GRAMD1A: variants seen among roughly 807,000 people sequenced by gnomAD.
The protein encoded by GRAMD1A is GRAM domain containing 1A.
Under a neutral mutation model 92.0 loss-of-function variants are expected in GRAMD1A, and 50 were observed. That is an observed-to-expected ratio of 0.54 (90% CI 0.43 to 0.69). The LOEUF is 0.69. Among genes scored for constraint, GRAMD1A ranks in the 30% least tolerant of loss-of-function variants. The pLI, the probability that GRAMD1A is intolerant of heterozygous loss-of-function variation, is 0.00. For missense variants in GRAMD1A, 819 were observed against 978.9 expected (o/e 0.84, Z 2.18); for synonymous variants, 405 against 403.6 (o/e 1.00, Z -0.04).
chr19:34,995,875 G>A (rs944738381), upstream of GRAMD1A: 10 of 648,104 alleles, frequency 1.5e-5, no homozygotes, highest in African/African-American at 9.2e-5. Flanking sequence ...GAGCCACTGC[G>A]CCTGGTCCCC....
intron 13 of GRAMD1A, among the ~76,000 whole-genome samples, chr19:35,020,852 G>A (rs1029839148): frequency 3.9e-5 from 6 of 152,136 alleles, no homozygotes; most frequent in African/African-American, 1.4e-4. Context: ...CAGGAGCAGG[G>A]AGGCCAGGGA....
rs1161993649 is a variant in GRAMD1A, at chr19:35,013,298, T to C, written c.649T>C (p.Tyr217His). Residue 217 changes from tyrosine to histidine, a missense_variant, in exon 8 of 20, where the codon TAC becomes CAC. Physicochemically the swap from Tyr to His is moderately conservative, Grantham distance 83. Transcript: ENST00000317991. The surrounding 1 kb of genome is among the most constrained non-coding windows in gnomAD (Gnocchi z 4.9). Reference sequence around the variant, plus strand: ...GCTCTGGCACCTGGTGCATCAGTGCTACGGCTCAGAGCTGGGCCTCACCAG... The same window carrying C: ...GCTCTGGCACCTGGTGCATCAGTGCCACGGCTCAGAGCTGGGCCTCACCAG... ...RELWHLVHQC[Y>H]GSELGLTSED... 3 of 1,552,096 alleles carry C rather than the reference T, an allele frequency of 1.9e-6. No homozygotes were observed. In the South Asian group the frequency reaches 3.6e-5, roughly 18 times the overall value.
intron 17 of GRAMD1A, 75 bp from the exon 18 acceptor site, chr19:35,023,161 T>C: frequency 9.5e-7 from 1 of 1,054,326 alleles, no homozygotes; most frequent in South Asian, 1.3e-5. Flanking sequence ...GAGGTGTCCC[T>C]ACAAGATGTA....
At chr19:35,003,138 C>T (rs2014520862) in intron 1 of GRAMD1A, among the ~76,000 whole-genome samples, 2 of 111,560 alleles carry the variant, frequency 1.8e-5, no homozygotes, top group Non-Finnish European at 3.8e-5. Context: ...TGCTGTTGCT[C>T]TGTGCGTGTG....
Position 35,014,210 on chromosome 19 carries a change from C to G in GRAMD1A, c.892C>G (p.Gln298Glu). ...DHGAEEDKEE[Q>E]VDSQPDASSS... ...ACAGGCAGAGGAGGACAAGGAGGAG[C>G]AGGTAGACAGCCAGCCAGACGCCTC... The change falls in exon 10 of 20, where the codon CAG becomes GAG. Residue 298 changes from glutamine (Q) to glutamate (E), a missense_variant. Transcript: ENST00000317991. The G allele has an allele frequency of 6.2e-7, 1 of 1,613,622 alleles. No homozygotes were observed. The highest frequency in any genetic ancestry group is 1.1e-5 in the South Asian group (1 of 91,050).
At position 35,019,491 on chromosome 19, in the gene GRAMD1A, G is replaced by C; in HGVS notation, c.1433G>C (p.Arg478Pro). 6.2e-7 allele frequency: 1 copy of C among 1,613,898 alleles called. No individual in the cohort carries two copies. Among genetic ancestry groups the C allele is most frequent in the Non-Finnish European group, 8.5e-7 (1 of 1,179,930 alleles). Residue 478 changes from arginine to proline, a missense_variant, in exon 13 of 20, where the codon CGC (arginine) becomes CCC (proline). Coordinates refer to ENST00000317991, the MANE Select transcript of GRAMD1A (RefSeq NM_020895.5). ...PYQDYFYTAH[R>P]YCILGLARNK... Reference sequence around the variant, plus strand: ...CAGGACTACTTCTACACTGCCCACCGCTACTGCATCCTGGGTCTGGCCCGG... The same window carrying C: ...CAGGACTACTTCTACACTGCCCACCCCTACTGCATCCTGGGTCTGGCCCGG...
intron 13 of GRAMD1A, 47 bp downstream of exon 13, chr19:35,019,580 G>C: frequency 2.5e-6 from 4 of 1,589,692 alleles, no homozygotes; most frequent in Non-Finnish European, 2.6e-6. Context: ...GTGGCCCCAG[G>C]GCCTCCTGTC....
At position 35,000,534 on chromosome 19, in the gene GRAMD1A, C is replaced by T; in HGVS notation, c.8+48C>T. ...TCAGGGACCGGGCGCGCGGGGGAGG[C>T]CACCGGAGGGAGGGGGCGCCGCGGG... On this transcript the variant is annotated intron_variant, in intron 1 of 19. Coordinates refer to ENST00000317991, the MANE Select transcript of GRAMD1A (RefSeq NM_020895.5). This position sits in a 1 kb window ranked among gnomAD's most constrained non-coding sequence, Gnocchi z 4.9. The T allele has an allele frequency of 4.0e-6, 5 of 1,243,768 alleles. No individual in the cohort carries two copies. Among genetic ancestry groups the T allele is most frequent in the African/African-American group, 1.6e-5 (1 of 63,466 alleles). The allele number at this position is 1,243,768 out of a possible 1,614,324, so 77.0% of individuals were successfully genotyped here.
chr19:35,022,563 AG>A (rs1490118215), intron 16 of GRAMD1A, among the ~76,000 whole-genome samples: 1 of 109,586 alleles, frequency 9.1e-6, no homozygotes, highest in Admixed American at 8.7e-5. Flanking sequence ...CCCAGGCCAG[AG>A]GGGGCAGTCA....
chr19:34,999,426 G>C (rs923282724), upstream of GRAMD1A: 6 of 152,104 alleles, frequency 3.9e-5, no homozygotes, highest in Non-Finnish European at 5.9e-5. Context: ...CCACAGCCCC[G>C]GAGCTGTGAG....
intron 11 of GRAMD1A, among the ~76,000 whole-genome samples, chr19:35,017,722 G>C (rs755586872): frequency 2.6e-5 from 4 of 152,086 alleles, no homozygotes; most frequent in Non-Finnish European, 5.9e-5. Flanking sequence ...CCTCCTTCAG[G>C]CCTTGGTTTT....
At chr19:35,014,973 C>G (rs1444714975) in intron 10 of GRAMD1A, 2 of 156,440 alleles carry the variant, frequency 1.3e-5, no homozygotes, top group African/African-American at 4.8e-5. Flanking sequence ...TTGAGACAAG[C>G]CTGGGCAACA....
chr19:35,023,649 GTCC>G (rs2016245143), intron 19 of GRAMD1A, 102 bp downstream of exon 19: 8 of 1,122,280 alleles, frequency 7.1e-6, no homozygotes, highest in Non-Finnish European at 9.8e-6. Flanking sequence ...GGATCTCAGT[GTCC>G]TCCTCTGTAA....
chr19:35,013,304 T>G lies in GRAMD1A; in HGVS notation c.655T>G (p.Ser219Ala). 1 of 1,552,788 alleles carries G rather than the reference T, an allele frequency of 6.4e-7. No homozygotes were observed. Among genetic ancestry groups the G allele is most frequent in the African/African-American group, 1.4e-5 (1 of 73,208 alleles). Reference protein sequence around the residue: ...LWHLVHQCYGSELGLTSEDED... With the variant: ...LWHLVHQCYGAELGLTSEDED... ...GCACCTGGTGCATCAGTGCTACGGC[T>G]CAGAGCTGGGCCTCACCAGTGAGGA... The change falls in exon 8 of 20, where the codon TCA becomes GCA. Residue 219 changes from serine (S) to alanine (A), a missense_variant. Ser to Ala is a moderately conservative substitution (Grantham distance 99, BLOSUM62 1). Transcript: ENST00000317991. The surrounding 1 kb of genome is among the most constrained non-coding windows in gnomAD (Gnocchi z 4.9).
Position 35,011,491 on chromosome 19 carries a change from T to A in GRAMD1A, c.543T>A (p.Phe181Leu). ...CCTGACAGCATTTCTTCACTTCCTT[T>A]GGGGCCCGTGACCGCTGCTTCCTCC... ...TESEKHFFTS[F>L]GARDRCFLLI... The change falls in exon 7 of 20, where the codon TTT (phenylalanine) becomes TTA (leucine). Residue 181 changes from phenylalanine (F) to leucine (L), a missense_variant. Phe to Leu is a conservative substitution (Grantham distance 22). Around this residue, in one of 3 missense-constraint regions of GRAMD1A, gnomAD observed 144 missense variants for 220.3 expected, o/e 0.65. Transcript: ENST00000317991. 1 of 1,610,832 alleles carries A rather than the reference T, an allele frequency of 6.2e-7. No homozygotes were observed.
chr19:35,008,054 C>T lies in GRAMD1A; in HGVS notation c.9-1065C>T, dbSNP rs113096128. Among the ~76,000 whole-genome samples, 262 of 151,876 alleles carry T rather than the reference C, an allele frequency of 1.7e-3. 1 individual carries two copies. Among genetic ancestry groups the T allele is most frequent in the African/African-American group, 6.0e-3 (248 of 41,398 alleles). On this transcript the variant is annotated intron_variant, in intron 1 of 19. Coordinates refer to ENST00000317991, the MANE Select transcript of GRAMD1A (RefSeq NM_020895.5). The stretch of plus-strand genomic sequence containing the variant: ...TTAAAAATAGGAGGTATAGGCCAGG[C>T]GCGGTGGCTCACACCTGTAATCCCA...
chr19:35,019,360 G>A (rs2015875788), intron 12 of GRAMD1A, 31 bp from the exon 13 acceptor site: 1 of 1,613,336 alleles, frequency 6.2e-7, no homozygotes, highest in Admixed American at 1.7e-5. Context: ...TGAGTGGGGT[G>A]GCCCTGACTT....
At position 35,009,929 on chromosome 19, in the gene GRAMD1A, G is replaced by C; in HGVS notation, c.282G>C (p.Arg94=). The change falls in exon 4 of 20, where the codon CGG becomes CGC. Residue 94 remains arginine (R), a synonymous_variant. Coordinates refer to ENST00000317991, the MANE Select transcript of GRAMD1A (RefSeq NM_020895.5). The part of the protein sequence containing the change: ...PTYKQRNEDF[R]KLFSKLPEAE... ...ATAAGCAGCGTAATGAGGACTTCCG[G>C]AAACTGTTCAGCAAACTCCCCGAAG... 1 of 1,613,316 alleles carries C rather than the reference G, an allele frequency of 6.2e-7. No individual in the cohort carries two copies. The highest frequency in any genetic ancestry group is 8.5e-7 in the Non-Finnish European group (1 of 1,179,290).
intron 10 of GRAMD1A, 164 bp from the exon 11 acceptor site, chr19:35,015,660 A>G: frequency 1.6e-6 from 1 of 626,806 alleles, no homozygotes. Flanking sequence ...CCCACCCTCA[A>G]CCCATCCCTG....
Sources: allele counts gnomAD v4.1 joint callset (sites outside exome capture counted in the v4.1 genomes callset), GRCh38; gene constraint gnomAD v4.1.1; regional missense constraint gnomAD v4.1.1; non-coding constraint Gnocchi (gnomAD v3.1); transcripts MANE v1.5; gene names NCBI Gene and HGNC (gene_info 2026-07-23, HGNC 2026-07-21).